The following VPS13B variants were observed in gnomAD, a reference collection of about 807,000 sequenced individuals.
The protein encoded by VPS13B is intermembrane lipid transfer protein VPS13B.
A neutral mutation model predicts 426.4 loss-of-function variants in VPS13B; 285 were observed. That is an observed-to-expected ratio of 0.67 (90% CI 0.61 to 0.74). The LOEUF is 0.74. Ranked by LOEUF, VPS13B falls within the 30% of genes least tolerant of loss-of-function variation. The pLI, the probability that VPS13B is intolerant of heterozygous loss-of-function variation, is 0.00. For synonymous variants in VPS13B, 1,676 were observed against 1,676.4 expected (o/e 1.00, Z 0.01); for missense variants, 4,537 against 4,782.6 (o/e 0.95, Z 1.51).
chr8:99,339,128 T>G (rs1811090960), intron 19 of VPS13B, among the ~76,000 whole-genome samples: 1 of 152,240 alleles, frequency 6.6e-6, no homozygotes, highest in Admixed American at 6.5e-5. Flanking sequence ...TATTTAAGTT[T>G]CATATTGTTT....
chr8:99,863,879 G>A (rs1010601454), intron 58 of VPS13B, among the ~76,000 whole-genome samples: 1 of 152,160 alleles, frequency 6.6e-6, no homozygotes, highest in African/African-American at 2.4e-5. Context: ...AGCCTCCTCT[G>A]TAGATGCTGG....
intron 19 of VPS13B, among the ~76,000 whole-genome samples, chr8:99,382,405 A>G (rs958530210): frequency 2.0e-5 from 3 of 152,100 alleles, no homozygotes; most frequent in Non-Finnish European, 4.4e-5. Context: ...GAATCTGTAA[A>G]TTGCTTTGGA....
chr8:99,743,378 G>A (rs1376918034), intron 39 of VPS13B, among the ~76,000 whole-genome samples: 9 of 151,746 alleles, frequency 5.9e-5, no homozygotes, highest in East Asian at 3.9e-4. Context: ...AATCAATATC[G>A]TGAAAATGGC....
chr8:99,013,331 C>T lies in VPS13B; in HGVS notation c.-46C>T, dbSNP rs888925892. On this transcript the variant is annotated 5_prime_UTR_variant, in exon 1 of 62. Transcript: ENST00000357162. ...CAGGGACTTGGAGGTGGAGGGGACG[C>T]GGCGGTACTCTGGCGTGTGAGCCGA... The T allele has an allele frequency of 3.6e-5, 9 of 253,172 alleles. No homozygotes were observed. The highest frequency in any genetic ancestry group is 1.3e-4 in the African/African-American group (6 of 44,490). The allele number at this position is 253,172 out of a possible 1,614,324, so 15.7% of individuals were successfully genotyped here.
chr8:99,730,746 CCTGT>C (rs1833564219), intron 39 of VPS13B, among the ~76,000 whole-genome samples: 2 of 151,204 alleles, frequency 1.3e-5, no homozygotes, highest in African/African-American at 4.9e-5. Flanking sequence ...CTGAAAGGTA[CCTGT>C]AGGTACAGGT....
intron 15 of VPS13B, among the ~76,000 whole-genome samples, chr8:99,157,545 C>G (rs138358546): frequency 2.0e-5 from 3 of 152,108 alleles, no homozygotes; most frequent in Non-Finnish European, 4.4e-5. Context: ...TCTGGGTCCT[C>G]CACTGACCAG....
intron 2 of VPS13B, among the ~76,000 whole-genome samples, chr8:99,024,922 T>A (rs938886743): frequency 3.1e-4 from 47 of 152,158 alleles, no homozygotes; most frequent in African/African-American, 1.1e-3. Flanking sequence ...TTCATGAACA[T>A]GAGATGTCTT....
intron 17 of VPS13B, among the ~76,000 whole-genome samples, chr8:99,249,210 CA>C (rs1295120758): frequency 1.3e-5 from 2 of 152,094 alleles, no homozygotes; most frequent in African/African-American, 2.4e-5. Context: ...ATAGTTCATT[CA>C]TTTTTTTATT....
At chr8:99,856,827 C>T (rs922505720) in intron 56 of VPS13B, among the ~76,000 whole-genome samples, 3 of 151,870 alleles carry the variant, frequency 2.0e-5, no homozygotes, top group African/African-American at 7.3e-5. Context: ...GACAACAGAG[C>T]GAGACTCCAT....
intron 19 of VPS13B, among the ~76,000 whole-genome samples, chr8:99,383,321 T>C (rs1813932300): frequency 6.6e-6 from 1 of 152,172 alleles, no homozygotes; most frequent in African/African-American, 2.4e-5. Flanking sequence ...TTATAATACC[T>C]TCTTTCAAAT....
At chr8:99,069,227 G>A (rs1331182254) in intron 3 of VPS13B, among the ~76,000 whole-genome samples, 1 of 152,142 alleles carries the variant, frequency 6.6e-6, no homozygotes, top group Non-Finnish European at 1.5e-5. Flanking sequence ...GAGCCCAGGA[G>A]TTAGAAACCT....
At chr8:99,276,064 T>A (rs1317996632) in intron 19 of VPS13B, among the ~76,000 whole-genome samples, 1 of 152,138 alleles carries the variant, frequency 6.6e-6, no homozygotes, top group Non-Finnish European at 1.5e-5. Flanking sequence ...TACTGTAGCT[T>A]ATAGAAAGTA....
intron 5 of VPS13B, among the ~76,000 whole-genome samples, chr8:99,106,434 CAAA>C (rs71273163): frequency 8.3e-5 from 7 of 84,054 alleles, no homozygotes; most frequent in East Asian, 7.3e-4. Flanking sequence ...GACTCCACCT[CAAA>C]AAAAAAAAAA....
chr8:99,294,324 G>C (rs1211910189), intron 19 of VPS13B, among the ~76,000 whole-genome samples: 1 of 121,488 alleles, frequency 8.2e-6, no homozygotes, highest in Non-Finnish European at 1.7e-5. Flanking sequence ...CTCACTCATA[G>C]GTGGGAATTG....
intron 29 of VPS13B, among the ~76,000 whole-genome samples, chr8:99,516,371 C>T (rs562226487): frequency 9.9e-5 from 15 of 152,052 alleles, no homozygotes; most frequent in Non-Finnish European, 1.8e-4. Context: ...ATTGAAGGAG[C>T]AATTTCATTA....
chr8:99,458,393 C>T (rs1165159816), intron 23 of VPS13B, among the ~76,000 whole-genome samples: 2 of 152,074 alleles, frequency 1.3e-5, no homozygotes, highest in African/African-American at 4.8e-5. Flanking sequence ...TGGCCTGTGT[C>T]TTTATAGCAG....
chr8:99,846,522 T>C (rs1815991676), intron 54 of VPS13B, among the ~76,000 whole-genome samples: 1 of 152,232 alleles, frequency 6.6e-6, no homozygotes, highest in South Asian at 2.1e-4. Flanking sequence ...GGTACCTAAC[T>C]ATCTAACCCC....
intron 36 of VPS13B, among the ~76,000 whole-genome samples, chr8:99,712,581 C>G (rs1167865471): frequency 6.6e-6 from 1 of 152,128 alleles, no homozygotes; most frequent in African/African-American, 2.4e-5. Context: ...TGTGTGTCCT[C>G]TGGTCCTCTT....
At chr8:99,596,186 G>GT (rs1292141734) in intron 33 of VPS13B, among the ~76,000 whole-genome samples, 1 of 151,748 alleles carries the variant, frequency 6.6e-6, no homozygotes, top group Admixed American at 6.6e-5. Flanking sequence ...GAATTTTGCT[G>GT]TAAGTTCTTT....
Sources: gnomAD v4.1 joint callset for allele counts (sites outside exome capture counted in the v4.1 genomes callset) on GRCh38, gnomAD v4.1.1 for gene constraint, MANE v1.5 for transcripts, NCBI Gene and HGNC (gene_info 2026-07-23, HGNC 2026-07-21) for gene names.